The following GSE1 variants were observed in gnomAD, a reference collection of about 807,000 sequenced individuals.
The protein encoded by GSE1 is Gse1 coiled-coil protein.
GSE1 carries 32 observed loss-of-function variants against 112.6 expected under a neutral mutation model. That is an observed-to-expected ratio of 0.28 (90% CI 0.21 to 0.38). The LOEUF is 0.38. Ranked by LOEUF, GSE1 falls within the 10% of genes least tolerant of loss-of-function variation. GSE1 has a pLI of 1.00. For synonymous variants in GSE1, 1,115 were observed against 735.6 expected, an observed-to-expected ratio of 1.52 and a Z score of -8.35; for missense variants, 2,348 against 1,699.2, an observed-to-expected ratio of 1.38 and a Z score of -6.71.
At chr16:85,313,360 T>G (rs868574299) in intron 1 of GSE1, among the ~76,000 whole-genome samples, 2 of 152,124 alleles carry the variant, frequency 1.3e-5, no homozygotes, top group Admixed American at 6.5e-5. Flanking sequence ...GATTCCGTGT[T>G]TGGGGAGGGC....
intron 1 of GSE1, among the ~76,000 whole-genome samples, chr16:85,277,905 C>T (rs1454903773): frequency 6.6e-6 from 1 of 152,240 alleles, no homozygotes; most frequent in Non-Finnish European, 1.5e-5. Flanking sequence ...TCCTCCTGGC[C>T]TCCACCTCGG....
intron 2 of GSE1, among the ~76,000 whole-genome samples, chr16:85,470,903 T>C (rs964288843): frequency 6.6e-6 from 1 of 152,142 alleles, no homozygotes; most frequent in African/African-American, 2.4e-5. Flanking sequence ...AATACAAAGA[T>C]AAAATAAAAC....
intron 1 of GSE1, among the ~76,000 whole-genome samples, chr16:85,273,330 G>T (rs1909038045): frequency 6.6e-6 from 1 of 152,222 alleles, no homozygotes; most frequent in Non-Finnish European, 1.5e-5. Context: ...TCTGACCTTA[G>T]GACAAGTTAA....
chr16:85,262,133 A>T (rs1026381916), intron 1 of GSE1, among the ~76,000 whole-genome samples: 1 of 152,198 alleles, frequency 6.6e-6, no homozygotes, highest in Non-Finnish European at 1.5e-5. Context: ...GAATGCCCCA[A>T]ACAAGAAGCC....
chr16:85,541,470 A>G (rs2044516304), intron 2 of GSE1, among the ~76,000 whole-genome samples: 1 of 152,240 alleles, frequency 6.6e-6, no homozygotes. Flanking sequence ...CTCCTGGGCC[A>G]AGTGAAAACC....
chr16:85,391,745 A>C (rs1257156486), intron 2 of GSE1, among the ~76,000 whole-genome samples: 1 of 152,170 alleles, frequency 6.6e-6, no homozygotes, highest in Non-Finnish European at 1.5e-5. Flanking sequence ...GACATTATTC[A>C]AGCTGACATG....
intron 1 of GSE1, among the ~76,000 whole-genome samples, chr16:85,237,065 C>T (rs1904739499): frequency 6.6e-6 from 1 of 152,254 alleles, no homozygotes; most frequent in Non-Finnish European, 1.5e-5. Flanking sequence ...GTGGCTCATG[C>T]CTGTAATCTC....
chr16:85,193,968 T>TGC (rs1001628130), intron 1 of GSE1, among the ~76,000 whole-genome samples: 8 of 152,256 alleles, frequency 5.3e-5, no homozygotes, highest in South Asian at 2.1e-4. Context: ...TGTGTGTGTG[T>TGC]GCGCGCGCGT....
At position 85,211,299 on chromosome 16, in the gene GSE1, G is replaced by GT. The variant is rs1048513670; in HGVS notation, c.2283+39504dup. Among the ~76,000 whole-genome samples, 1,123 of 143,912 alleles carry GT rather than the reference G, an allele frequency of 7.8e-3. 11 individuals carry two copies. The highest frequency in any genetic ancestry group is 0.021 in the African/African-American group (835 of 39,596). The allele number at this position is 143,912 out of a possible 152,430, so 94.4% of individuals were successfully genotyped here. ...GACTGGTCTCAGCTTCAGGCTTGTG[G>GT]TTTTTTTTTTTTGTTTTTTTTTTTT... On this transcript the variant is annotated intron_variant, in intron 1 of 2. Coordinates refer to the GSE1 transcript ENST00000637419.
chr16:85,612,863 C>A (rs1445440890), upstream of GSE1, among the ~76,000 whole-genome samples: 1 of 152,214 alleles, frequency 6.6e-6, no homozygotes, highest in East Asian at 1.9e-4. Flanking sequence ...TCTAGGTTCC[C>A]GGGACGCAGC....
chr16:85,379,083 G>T (rs2047487576), intron 2 of GSE1, among the ~76,000 whole-genome samples: 1 of 152,106 alleles, frequency 6.6e-6, no homozygotes, highest in Admixed American at 6.5e-5. Flanking sequence ...ACTCTCCCCA[G>T]AGAGCTGCCA....
intron 2 of GSE1, among the ~76,000 whole-genome samples, chr16:85,480,966 C>G (rs565122983): frequency 9.2e-5 from 14 of 152,254 alleles, no homozygotes; most frequent in African/African-American, 2.9e-4. Flanking sequence ...TCTTCCACCC[C>G]CTCCTGGGAC....
At chr16:85,388,111 G>T (rs2047732842) in intron 2 of GSE1, among the ~76,000 whole-genome samples, 1 of 149,756 alleles carries the variant, frequency 6.7e-6, no homozygotes, top group African/African-American at 2.5e-5. Context: ...TGAGTGGATG[G>T]GTAAGTGGAC....
At chr16:85,547,001 G>A (rs745355552) in intron 2 of GSE1, among the ~76,000 whole-genome samples, 2 of 152,204 alleles carry the variant, frequency 1.3e-5, no homozygotes, top group African/African-American at 4.8e-5. Flanking sequence ...GAGATGAGAC[G>A]GCGGGCAGGT....
At chr16:85,194,442 A>G (rs1235594054) in intron 1 of GSE1, among the ~76,000 whole-genome samples, 3 of 152,150 alleles carry the variant, frequency 2.0e-5, no homozygotes, top group Non-Finnish European at 4.4e-5. Context: ...TCTAAGAGGT[A>G]AAAAGAGGTT....
At chr16:85,369,037 T>C (rs2047241986) in intron 2 of GSE1, among the ~76,000 whole-genome samples, 1 of 152,196 alleles carries the variant, frequency 6.6e-6, no homozygotes, top group Non-Finnish European at 1.5e-5. Context: ...CTTGGTGGCT[T>C]AAACCAAAAG....
At chr16:85,647,627 G>GC (rs2050984706) in intron 2 of GSE1, among the ~76,000 whole-genome samples, 1 of 152,072 alleles carries the variant, frequency 6.6e-6, no homozygotes, top group Non-Finnish European at 1.5e-5. Context: ...TCGCTCTGTC[G>GC]CCAGGCTGGA....
chr16:85,555,401 G>A (rs2045153058), upstream of GSE1: 88 of 983,882 alleles, frequency 8.9e-5, no homozygotes, highest in Non-Finnish European at 1.0e-4. Context: ...AAAAGGGGGG[G>A]GAGGGGTGTT....
chr16:85,581,969 C>G (rs911393563), intron 1 of GSE1: 19 of 152,312 alleles, frequency 1.2e-4, no homozygotes, highest in Admixed American at 3.3e-4. Context: ...AAGCTCCCCA[C>G]CCCAAGTTGG....
Sources: gnomAD v4.1 joint callset for allele counts (sites outside exome capture counted in the v4.1 genomes callset) on GRCh38, gnomAD v4.1.1 for gene constraint, MANE v1.5 for transcripts, NCBI Gene and HGNC (gene_info 2026-07-23, HGNC 2026-07-21) for gene names.